Variants in SPATA1 observed in about 807,000 individuals in gnomAD.
SPATA1 encodes the protein spermatogenesis associated 1.
A neutral mutation model predicts 59.6 loss-of-function variants in SPATA1; 57 were observed. The observed-to-expected ratio is 0.96, with a 90% CI of 0.77 to 1.19. SPATA1 has a LOEUF of 1.19. Among genes scored for constraint, SPATA1 ranks in the 50% most tolerant of loss-of-function variants. The pLI is 0.00. For missense variants in SPATA1, 448 were observed against 480.7 expected (o/e 0.93, Z 0.64); for synonymous variants, 147 against 163.9 (o/e 0.90, Z 0.79).
intron 8 of SPATA1, among the ~76,000 whole-genome samples, chr1:84,535,425 G>A (rs1030677449): frequency 1.3e-5 from 2 of 151,942 alleles, no homozygotes; most frequent in African/African-American, 4.8e-5. Flanking sequence ...CAATCAATTT[G>A]GGAGGAAAAC....
At chr1:84,529,582 T>A (rs1683375821) in intron 6 of SPATA1, among the ~76,000 whole-genome samples, 1 of 139,898 alleles carries the variant, frequency 7.1e-6, no homozygotes, top group Admixed American at 7.1e-5. Context: ...ATGCCTTTTT[T>A]TTTTTTTTTT....
intron 8 of SPATA1, among the ~76,000 whole-genome samples, chr1:84,539,253 ATTG>A (rs777087895): frequency 1.3e-5 from 2 of 152,218 alleles, no homozygotes; most frequent in African/African-American, 4.8e-5. Flanking sequence ...TCAGCAAATA[ATTG>A]TTGTTATATT....
intron 1 of SPATA1, among the ~76,000 whole-genome samples, chr1:84,510,184 C>G (rs1466223259): frequency 6.6e-6 from 1 of 152,016 alleles, no homozygotes; most frequent in African/African-American, 2.4e-5. Context: ...AAATAAAAAC[C>G]TGCATTACAA....
chr1:84,512,934 A>T (rs1353459984), intron 1 of SPATA1, among the ~76,000 whole-genome samples: 1 of 152,216 alleles, frequency 6.6e-6, no homozygotes, highest in Admixed American at 6.5e-5. Context: ...CTTCATAGTC[A>T]CTTTATTTTT....
chr1:84,522,709 T>C (rs546875071), intron 4 of SPATA1, among the ~76,000 whole-genome samples: 1 of 152,276 alleles, frequency 6.6e-6, no homozygotes, highest in East Asian at 1.9e-4. Flanking sequence ...ATGATGGGTT[T>C]TGTGTGTGAA....
chr1:84,561,596 T>C (rs1380794980), intron 4 of SPATA1, among the ~76,000 whole-genome samples: 2 of 152,198 alleles, frequency 1.3e-5, no homozygotes, highest in African/African-American at 2.4e-5. Context: ...TAGCATCACG[T>C]TTTACACAGA....
intron 8 of SPATA1, among the ~76,000 whole-genome samples, chr1:84,542,332 T>C (rs1012056389): frequency 4.6e-5 from 7 of 152,190 alleles, no homozygotes; most frequent in Non-Finnish European, 7.3e-5. Context: ...GTGGAGCTCT[T>C]GCCTTGGCCA....
In SPATA1 at chr1:84,516,433, C is replaced by G. The variant is rs1570392217; in HGVS notation, c.36+38C>G. On this transcript the variant is annotated intron_variant, in intron 2 of 12. Transcript: ENST00000490879. ...TTTTATACTAAAATATAAGAAAGAC[C>G]TGCTTATCACTGTTTTTGAAAAGTT... 6 of 1,199,646 alleles carry G rather than the reference C, an allele frequency of 5.0e-6. No homozygotes were observed. In the East Asian group the frequency reaches 1.7e-4, roughly 34 times the overall value. The allele number at this position is 1,199,646 out of a possible 1,614,324, so 74.3% of individuals were successfully genotyped here. A position where few individuals can be genotyped will look rare whatever the true frequency, so the allele number is the denominator to read the frequency against.
intron 1 of SPATA1, among the ~76,000 whole-genome samples, chr1:84,511,651 C>G (rs961821900): frequency 7.9e-6 from 1 of 126,540 alleles, no homozygotes; most frequent in African/African-American, 3.1e-5. Flanking sequence ...TCAGGCATTT[C>G]AGGCTTTTTT....
chr1:84,562,355 A>G (rs1162108015), intron 4 of SPATA1, among the ~76,000 whole-genome samples: 1 of 151,964 alleles, frequency 6.6e-6, no homozygotes, highest in Non-Finnish European at 1.5e-5. Flanking sequence ...ATAGGTATAT[A>G]CTTTCAGTTC....
downstream of SPATA1, among the ~76,000 whole-genome samples, chr1:84,556,461 C>T (rs1684432938): frequency 6.6e-6 from 1 of 152,026 alleles, no homozygotes; most frequent in Admixed American, 6.6e-5. Context: ...GCCTGTAATA[C>T]CAGCACTTTG....
At chr1:84,556,607 G>A (rs886738531), downstream of SPATA1, among the ~76,000 whole-genome samples, 3 of 151,106 alleles carry the variant, frequency 2.0e-5, no homozygotes, top group African/African-American at 7.3e-5. Context: ...AGCTACTCTC[G>A]AGGCTGAGGC....
chr1:84,525,556 T>G, intron 4 of SPATA1, 140 bp from the exon 5 acceptor site: 1 of 638,940 alleles, frequency 1.6e-6, no homozygotes, highest in South Asian at 2.3e-5. Flanking sequence ...TATTCTACAT[T>G]TCTAGAATCT....
intron 4 of SPATA1, among the ~76,000 whole-genome samples, chr1:84,524,913 T>C (rs1431611123): frequency 6.6e-6 from 1 of 152,226 alleles, no homozygotes; most frequent in Non-Finnish European, 1.5e-5. Context: ...TTATTTATCA[T>C]TGTATCCATA....
At chr1:84,516,349 C>A in exon 2 of SPATA1, 1 of 1,524,454 alleles carries the variant, frequency 6.6e-7, no homozygotes, top group South Asian at 1.3e-5. Flanking sequence ...CCCATTCAGA[C>A]ATTAGTGAAT....
chr1:84,554,962 T>A, downstream of SPATA1: 1 of 1,545,116 alleles, frequency 6.5e-7, no homozygotes, highest in Non-Finnish European at 8.9e-7. Context: ...TTGATACAGA[T>A]CATCTTTCTA....
intron 1 of SPATA1, among the ~76,000 whole-genome samples, chr1:84,512,572 G>A (rs564015048): frequency 6.6e-6 from 1 of 152,284 alleles, no homozygotes; most frequent in African/African-American, 2.4e-5. Flanking sequence ...ATAAGTATCA[G>A]AATTTCTTAA....
At chr1:84,550,200 T>C (rs1290152189) in intron 11 of SPATA1, 2 of 292,232 alleles carry the variant, frequency 6.8e-6, no homozygotes, top group Non-Finnish European at 1.3e-5. Flanking sequence ...TAGTTGTTGG[T>C]TTTTACGATG....
At chr1:84,531,382 T>C (rs1246255) in intron 6 of SPATA1, among the ~76,000 whole-genome samples, 68,929 of 151,552 alleles carry the variant, frequency 0.45, 17,622 homozygotes, top group African/African-American at 0.7. Flanking sequence ...AGGCTGATCT[T>C]GAACTTCTGA....
Sources: gnomAD v4.1 joint callset for allele counts (sites outside exome capture counted in the v4.1 genomes callset) on GRCh38, gnomAD v4.1.1 for gene constraint, MANE v1.5 for transcripts, NCBI Gene and HGNC (gene_info 2026-07-23, HGNC 2026-07-21) for gene names.